Variants in FHL1 observed in about 807,000 individuals in gnomAD.
FHL1 encodes four and a half LIM domains protein 1.
FHL1 carries 1 observed loss-of-function variant against 20.3 expected under a neutral mutation model. The ratio of observed to expected loss-of-function variants is 0.05; its 90% CI spans 0.02 to 0.23. The LOEUF is 0.23. Ranked by LOEUF, FHL1 falls within the 10% of genes least tolerant of loss-of-function variation. FHL1 has a pLI of 1.00. For missense variants in FHL1, 177 were observed against 234.0 expected (o/e 0.76, Z 1.59); for synonymous variants, 82 against 88.9 (o/e 0.92, Z 0.44).
At chrX:136,200,007 C>T (rs1439630936) in intron 1 of FHL1, among the ~76,000 whole-genome samples, 1 of 112,311 alleles carries the variant, frequency 8.9e-6, no homozygotes, top group South Asian at 3.7e-4. Context: ...TGTATGTGTA[C>T]ATGATTAAAT....
At chrX:136,154,780 C>A (rs1473637814) in intron 1 of FHL1, among the ~76,000 whole-genome samples, 1 of 109,370 alleles carries the variant, frequency 9.1e-6, no homozygotes, top group African/African-American at 3.3e-5. Flanking sequence ...TCTCTCAGCT[C>A]ACTGCAACCT....
chrX:136,183,560 T>C lies in FHL1; in HGVS notation c.-27+13580T>C, dbSNP rs147057172. On this transcript the variant is annotated intron_variant, in intron 2 of 6. Transcript: ENST00000394153. Reference sequence around the variant, plus strand: ...ATGTATTATTTTATTAGCGTTTAGATGTTAACATTAAGCTTTCAAATCAGA... The same window carrying C: ...ATGTATTATTTTATTAGCGTTTAGACGTTAACATTAAGCTTTCAAATCAGA... 7.1e-5 allele frequency among the ~76,000 whole-genome samples: 8 copies of C among 112,299 alleles called. No individual in the cohort carries two copies. In the East Asian group the frequency reaches 2.2e-3, roughly 31 times the overall value.
At chrX:136,185,115 A>C (rs2073254730) in intron 2 of FHL1, among the ~76,000 whole-genome samples, 1 of 112,466 alleles carries the variant, frequency 8.9e-6, no homozygotes, top group Admixed American at 9.4e-5. Flanking sequence ...TAACAGTATA[A>C]AAATATTGTT....
intron 2 of FHL1, among the ~76,000 whole-genome samples, chrX:136,177,364 G>A (rs1048313070): frequency 9.0e-6 from 1 of 111,617 alleles, no homozygotes; most frequent in East Asian, 2.8e-4. Context: ...CAAATCTAGT[G>A]TTCCATCTTC....
At chrX:136,153,285 G>A (rs986210402) in intron 1 of FHL1, among the ~76,000 whole-genome samples, 1 of 16,678 alleles carries the variant, frequency 6.0e-5, no homozygotes, top group Non-Finnish European at 2.2e-4. Flanking sequence ...TGCGGGAGGT[G>A]GGGGGGGGCA....
intron 2 of FHL1, among the ~76,000 whole-genome samples, chrX:136,173,830 C>G (rs1470033882): frequency 9.1e-6 from 1 of 110,293 alleles, no homozygotes; most frequent in African/African-American, 3.3e-5. Context: ...TCCCCAGTAG[C>G]TGGGACTATA....
At chrX:136,193,082 TAAA>T, upstream of FHL1, among the ~76,000 whole-genome samples, 1 of 95,510 alleles carries the variant, frequency 1.0e-5, no homozygotes, top group African/African-American at 3.8e-5. Flanking sequence ...AAGAGTCATG[TAAA>T]AAAAAAAAAA....
At chrX:136,175,411 T>C (rs903654068) in intron 2 of FHL1, among the ~76,000 whole-genome samples, 8 of 112,424 alleles carry the variant, frequency 7.1e-5, no homozygotes, top group Admixed American at 2.8e-4. Flanking sequence ...TGTTTGGCAA[T>C]ATATGCCTAA....
At chrX:136,151,352 A>G (rs1336017585) in intron 1 of FHL1, among the ~76,000 whole-genome samples, 5 of 113,118 alleles carry the variant, frequency 4.4e-5, no homozygotes, top group Non-Finnish European at 7.5e-5. Flanking sequence ...CCAGGAGAGT[A>G]GAGAACAATA....
intron 2 of FHL1, among the ~76,000 whole-genome samples, chrX:136,178,295 T>C (rs760171123): frequency 8.9e-6 from 1 of 112,213 alleles, no homozygotes; most frequent in South Asian, 3.7e-4. Flanking sequence ...GGGATCAATT[T>C]AAAATAAAAA....
intron 2 of FHL1, 148 bp from the exon 3 acceptor site, chrX:136,206,868 A>AT: frequency 1.6e-6 from 1 of 643,794 alleles, no homozygotes; most frequent in Non-Finnish European, 2.5e-6. Context: ...CGTCCCTCCT[A>AT]TAAGAATAGT....
intron 1 of FHL1, among the ~76,000 whole-genome samples, chrX:136,161,682 T>G (rs770293368): frequency 1.8e-5 from 2 of 111,664 alleles, no homozygotes; most frequent in Admixed American, 1.9e-4. Context: ...AAGGAAACAG[T>G]TCATGGAGCG....
intron 1 of FHL1, chrX:136,204,882 A>C (rs1321239600): frequency 8.9e-6 from 1 of 112,160 alleles, no homozygotes; most frequent in Non-Finnish European, 1.9e-5. Flanking sequence ...TATAAAAAAA[A>C]CCTGGGAATG....
upstream of FHL1, among the ~76,000 whole-genome samples, chrX:136,166,371 G>A (rs774332321): frequency 3.7e-4 from 41 of 111,824 alleles, no homozygotes; most frequent in Non-Finnish European, 7.0e-4. Context: ...CTCAGCCTTT[G>A]GGCCTTTCTT....
At chrX:136,185,048 G>A (rs1372718880) in intron 2 of FHL1, among the ~76,000 whole-genome samples, 4 of 111,968 alleles carry the variant, frequency 3.6e-5, no homozygotes, top group Non-Finnish European at 7.5e-5. Context: ...AACATTTACT[G>A]TTATTTTCAT....
intron 2 of FHL1, among the ~76,000 whole-genome samples, chrX:136,182,223 C>T (rs766851604): frequency 7.8e-4 from 87 of 111,492 alleles, no homozygotes; most frequent in Non-Finnish European, 1.5e-3. Context: ...AGTAACTTCC[C>T]GTTCTTATAG....
chrX:136,206,122 T>C (rs1482160180), intron 1 of FHL1: 1 of 410,332 alleles, frequency 2.4e-6, no homozygotes, highest in Non-Finnish European at 4.3e-6. Context: ...GCATCTTTTG[T>C]GAATCAGCAC....
At position 136,210,803 on chromosome X, in the gene FHL1, T is replaced by C; in HGVS notation, c.*778T>C. On this transcript the variant is annotated 3_prime_UTR_variant, in exon 6 of 6. Transcript: ENST00000370683. Reference sequence around the variant, plus strand: ...ACAAAACTAACCCTGCTGTCCTTTTTATTGTTTTTAATTAATATTTTTGTT... The same window carrying C: ...ACAAAACTAACCCTGCTGTCCTTTTCATTGTTTTTAATTAATATTTTTGTT... The C allele has an allele frequency of 2.6e-6, 1 of 385,675 alleles. No individual in the cohort carries two copies. Among genetic ancestry groups the C allele is most frequent in the East Asian group, 5.4e-5 (1 of 18,415 alleles). 31.8% of individuals were successfully genotyped at this position (385,675 alleles called of 1,213,427 possible). A position where few individuals can be genotyped will look rare whatever the true frequency, so the allele number is the denominator to read the frequency against.
intron 2 of FHL1, among the ~76,000 whole-genome samples, chrX:136,171,871 A>T (rs7473850): frequency 5.7e-5 from 5 of 87,026 alleles, no homozygotes; most frequent in African/African-American, 1.9e-4. Context: ...TTATTTTTTT[A>T]AATTTTTTAT....
Sources: gnomAD v4.1 joint callset for allele counts (sites outside exome capture counted in the v4.1 genomes callset) on GRCh38, gnomAD v4.1.1 for gene constraint, MANE v1.5 for transcripts, NCBI Gene and HGNC (gene_info 2026-07-23, HGNC 2026-07-21) for gene names.